Variants in PCSK5 observed in about 807,000 individuals in gnomAD.
PCSK5 encodes proprotein convertase subtilisin/kexin type 5.
In PCSK5, 129 loss-of-function variants were observed where a neutral mutation model predicts 233.2. That is an observed-to-expected ratio of 0.55 (90% CI 0.48 to 0.64). The LOEUF is 0.64. PCSK5 is among the 30% of genes least tolerant of loss of function. PCSK5 has a pLI of 0.00. For synonymous variants in PCSK5, 825 were observed against 879.2 expected (o/e 0.94, Z 1.09); for missense variants, 2,076 against 2,430.1 (o/e 0.85, Z 3.06).
intron 5 of PCSK5, among the ~76,000 whole-genome samples, chr9:76,043,719 C>T (rs1829236508): frequency 2.0e-5 from 3 of 151,946 alleles, no homozygotes; most frequent in South Asian, 2.1e-4. Context: ...ATTTTGAGTC[C>T]GAGTTACGAG....
At chr9:76,060,550 G>A (rs1028484053) in intron 5 of PCSK5, among the ~76,000 whole-genome samples, 1 of 152,116 alleles carries the variant, frequency 6.6e-6, no homozygotes, top group East Asian at 1.9e-4. Context: ...AAGAAGTTCT[G>A]TGCTGTTCAG....
At chr9:75,995,587 G>T (rs1401879469) in intron 3 of PCSK5, among the ~76,000 whole-genome samples, 1 of 152,102 alleles carries the variant, frequency 6.6e-6, no homozygotes, top group East Asian at 1.9e-4. Context: ...CTGAGATATT[G>T]TTGCGATTTG....
intron 5 of PCSK5, among the ~76,000 whole-genome samples, chr9:76,042,409 G>A (rs1015314962): frequency 2.0e-5 from 3 of 152,226 alleles, no homozygotes; most frequent in African/African-American, 7.2e-5. Flanking sequence ...CCAGCACTTT[G>A]TGAGATCAAG....
At chr9:76,214,254 G>A (rs1825437727) in intron 20 of PCSK5, among the ~76,000 whole-genome samples, 1 of 151,902 alleles carries the variant, frequency 6.6e-6, no homozygotes. Context: ...CATGATTGAG[G>A]AGTCTAGGAT....
intron 2 of PCSK5, among the ~76,000 whole-genome samples, chr9:75,934,638 A>G (rs531518992): frequency 2.0e-5 from 3 of 151,496 alleles, no homozygotes; most frequent in South Asian, 2.1e-4. Context: ...CTGGAGTGCA[A>G]TGGCGCGATC....
intron 30 of PCSK5, 102 bp downstream of exon 30, chr9:76,310,953 C>A: frequency 1.3e-6 from 1 of 764,562 alleles, no homozygotes; most frequent in Non-Finnish European, 2.0e-6. Context: ...CTCTGCTCTA[C>A]GAGCACCCAC....
intron 3 of PCSK5, among the ~76,000 whole-genome samples, chr9:75,987,849 A>T (rs1274016976): frequency 6.6e-6 from 1 of 152,192 alleles, no homozygotes; most frequent in Admixed American, 6.5e-5. Context: ...AGCTGCCTCT[A>T]CACCCCTGTT....
At chr9:76,283,873 A>G (rs1356934009) in intron 24 of PCSK5, among the ~76,000 whole-genome samples, 1 of 152,238 alleles carries the variant, frequency 6.6e-6, no homozygotes, top group Admixed American at 6.5e-5. Flanking sequence ...TGCTAGGTAA[A>G]CAAGTTAATT....
chr9:76,004,382 T>C (rs759354259), intron 3 of PCSK5, among the ~76,000 whole-genome samples: 1 of 152,200 alleles, frequency 6.6e-6, no homozygotes, highest in Non-Finnish European at 1.5e-5. Context: ...TTTTTGGTGA[T>C]GTTAACTTTG....
chr9:75,976,437 G>A (rs1205680537), intron 2 of PCSK5, among the ~76,000 whole-genome samples: 3 of 151,664 alleles, frequency 2.0e-5, no homozygotes, highest in Non-Finnish European at 4.4e-5. Flanking sequence ...TTTCCCCAGA[G>A]GACAAATTAA....
chr9:76,267,917 C>T (rs2256029), intron 24 of PCSK5, among the ~76,000 whole-genome samples: 42,929 of 151,588 alleles, frequency 0.28, 6,321 homozygotes, highest in Middle Eastern at 0.37. Flanking sequence ...GCACTGCCTA[C>T]CCTCCCAAAA....
intron 24 of PCSK5, among the ~76,000 whole-genome samples, chr9:76,260,254 AG>A (rs1231669823): frequency 1.3e-5 from 2 of 152,174 alleles, no homozygotes; most frequent in African/African-American, 4.8e-5. Flanking sequence ...ATCCATCTGT[AG>A]TAGGCAGAAT....
chr9:76,065,862 A>G (rs888517670), intron 5 of PCSK5, among the ~76,000 whole-genome samples: 1 of 152,012 alleles, frequency 6.6e-6, no homozygotes, highest in African/African-American at 2.4e-5. Flanking sequence ...TTCATTTTTT[A>G]TGTATGGATA....
chr9:76,247,724 G>T (rs1216506857), intron 24 of PCSK5, among the ~76,000 whole-genome samples: 1 of 152,052 alleles, frequency 6.6e-6, no homozygotes, highest in Non-Finnish European at 1.5e-5. Context: ...AATGAAAGTG[G>T]TTACCTATAG....
intron 10 of PCSK5, among the ~76,000 whole-genome samples, chr9:76,138,722 C>T (rs1823080932): frequency 6.6e-6 from 1 of 151,904 alleles, no homozygotes; most frequent in Non-Finnish European, 1.5e-5. Flanking sequence ...TACAGTTAAA[C>T]TCTCTTAAAT....
chr9:76,179,892 T>C (rs1056112321), intron 15 of PCSK5, among the ~76,000 whole-genome samples, 194 bp downstream of exon 15: 1 of 152,102 alleles, frequency 6.6e-6, no homozygotes, highest in Non-Finnish European at 1.5e-5. Flanking sequence ...GAAAACTATA[T>C]TGAGTTACAA....
chr9:76,057,733 C>T (rs1490579941), intron 5 of PCSK5, among the ~76,000 whole-genome samples: 1 of 151,802 alleles, frequency 6.6e-6, no homozygotes, highest in Non-Finnish European at 1.5e-5. Flanking sequence ...ACTACAAAAC[C>T]AAGTTAGCTC....
At chr9:75,942,724 A>G (rs1321330725) in intron 2 of PCSK5, among the ~76,000 whole-genome samples, 1 of 152,202 alleles carries the variant, frequency 6.6e-6, no homozygotes, top group Non-Finnish European at 1.5e-5. Context: ...AGCAAAGAAC[A>G]AATGGGAAAT....
At chr9:76,257,936 T>C (rs1827037478) in intron 24 of PCSK5, among the ~76,000 whole-genome samples, 1 of 152,224 alleles carries the variant, frequency 6.6e-6, no homozygotes, top group African/African-American at 2.4e-5. Flanking sequence ...ATAAAGACAG[T>C]GTGTTCTGAC....
Sources: gnomAD v4.1 joint callset for allele counts (sites outside exome capture counted in the v4.1 genomes callset) on GRCh38, gnomAD v4.1.1 for gene constraint, MANE v1.5 for transcripts, NCBI Gene and HGNC (gene_info 2026-07-23, HGNC 2026-07-21) for gene names.